The following CTNNA3 variants were observed in gnomAD, a reference collection of about 807,000 sequenced individuals.
CTNNA3 encodes catenin alpha-3.
Under a neutral mutation model 95.7 loss-of-function variants are expected in CTNNA3, and 76 were observed. That is an observed-to-expected ratio of 0.79 (90% CI 0.66 to 0.96). The LOEUF is 0.96. Ranked by LOEUF, CTNNA3 falls within the 40% of genes least tolerant of loss-of-function variation. CTNNA3 has a pLI of 0.00. For missense variants in CTNNA3, 1,191 were observed against 1,089.8 expected (o/e 1.09, Z -1.31); for synonymous variants, 431 against 374.4 (o/e 1.15, Z -1.74).
chr10:67,193,883 T>C (rs1200927024), intron 6 of CTNNA3, among the ~76,000 whole-genome samples: 1 of 151,996 alleles, frequency 6.6e-6, no homozygotes, highest in Non-Finnish European at 1.5e-5. Context: ...ATTGAGGAAT[T>C]GACACACTAC....
intron 9 of CTNNA3, among the ~76,000 whole-genome samples, chr10:66,684,997 A>G (rs1482694650): frequency 6.6e-6 from 1 of 151,598 alleles, no homozygotes; most frequent in Admixed American, 6.6e-5. Flanking sequence ...TAGATCTTCT[A>G]TCATGGCTAA....
At chr10:67,351,931 TC>T (rs1338360657) in intron 5 of CTNNA3, among the ~76,000 whole-genome samples, 4 of 151,966 alleles carry the variant, frequency 2.6e-5, no homozygotes, top group African/African-American at 9.7e-5. Context: ...GGCTTAACAT[TC>T]CATTTCCTGA....
intron 7 of CTNNA3, among the ~76,000 whole-genome samples, chr10:66,984,293 G>T (rs907999361): frequency 6.6e-6 from 1 of 152,168 alleles, no homozygotes; most frequent in African/African-American, 2.4e-5. Flanking sequence ...TGATAAACTG[G>T]CTAAAGGGAA....
At chr10:66,051,098 G>A (rs2079947700) in intron 15 of CTNNA3, among the ~76,000 whole-genome samples, 2 of 151,990 alleles carry the variant, frequency 1.3e-5, no homozygotes, top group Admixed American at 1.3e-4. Context: ...CTGGTCTTGA[G>A]CCCTTGGCCT....
At chr10:67,378,600 TA>T (rs1314372636) in intron 5 of CTNNA3, among the ~76,000 whole-genome samples, 1 of 152,008 alleles carries the variant, frequency 6.6e-6, no homozygotes, top group Non-Finnish European at 1.5e-5. Flanking sequence ...TGTTCTTTCA[TA>T]ACCTTGACAT....
rs1310538991 is a variant in CTNNA3, at chr10:65,915,838, T to C, written c.*4492A>G. On this transcript the variant is annotated 3_prime_UTR_variant, in exon 18 of 18. Transcript: ENST00000433211. Reference sequence around the variant, plus strand: ...CTTTATTTTGCTTTAATAGAATATATGTTTTTGTTCATATGAATTGGTTAA... The same window carrying C: ...CTTTATTTTGCTTTAATAGAATATACGTTTTTGTTCATATGAATTGGTTAA... 3 of 152,236 alleles carry C rather than the reference T, an allele frequency of 2.0e-5. No homozygotes were observed. The highest frequency in any genetic ancestry group is 4.4e-5 in the Non-Finnish European group (3 of 68,038). The allele number at this position is 152,236 out of a possible 1,614,324, so 9.4% of individuals were successfully genotyped here.
At chr10:66,105,580 TTGC>T (rs1350130531) in intron 13 of CTNNA3, among the ~76,000 whole-genome samples, 1 of 152,208 alleles carries the variant, frequency 6.6e-6, no homozygotes, top group East Asian at 1.9e-4. Flanking sequence ...CTAAGAACAA[TTGC>T]TGCTATCAGA....
At chr10:66,164,757 G>A (rs772266653) in intron 13 of CTNNA3, among the ~76,000 whole-genome samples, 33 of 152,110 alleles carry the variant, frequency 2.2e-4, no homozygotes, top group Non-Finnish European at 4.4e-5. Flanking sequence ...AAACATGAGA[G>A]ATTCTTACCT....
At chr10:66,716,345 A>G (rs934160572) in intron 9 of CTNNA3, among the ~76,000 whole-genome samples, 1 of 152,170 alleles carries the variant, frequency 6.6e-6, no homozygotes, top group African/African-American at 2.4e-5. Flanking sequence ...GAATTTGAAA[A>G]TAATTTATGT....
intron 9 of CTNNA3, among the ~76,000 whole-genome samples, chr10:66,721,079 C>T (rs536489933): frequency 9.9e-5 from 15 of 152,184 alleles, no homozygotes; most frequent in East Asian, 3.9e-4. Flanking sequence ...GTGAATCACA[C>T]GTACAGACAA....
At chr10:66,144,514 T>G (rs1448707314) in intron 13 of CTNNA3, among the ~76,000 whole-genome samples, 1 of 151,640 alleles carries the variant, frequency 6.6e-6, no homozygotes, top group Non-Finnish European at 1.5e-5. Flanking sequence ...TGAGACAGAG[T>G]TTCGCTCGTG....
At chr10:66,326,069 G>A (rs962318109) in intron 12 of CTNNA3, among the ~76,000 whole-genome samples, 1 of 152,078 alleles carries the variant, frequency 6.6e-6, no homozygotes, top group Non-Finnish European at 1.5e-5. Context: ...TTTGTAAAAT[G>A]AACAAGCTCA....
chr10:67,034,366 C>CAT (rs1387070236), intron 7 of CTNNA3, among the ~76,000 whole-genome samples: 1 of 152,182 alleles, frequency 6.6e-6, no homozygotes, highest in Non-Finnish European at 1.5e-5. Context: ...GATGAGGATA[C>CAT]AATGCCCAAT....
chr10:67,165,521 T>C lies in CTNNA3; in HGVS notation c.1047+14796A>G, dbSNP rs187030628. ...CATAATTTATGTCAATATGTCAATGTCCTTGTTTTGATATCTTGCTATATA... is the reference window on the plus strand; with the variant it reads ...CATAATTTATGTCAATATGTCAATGCCCTTGTTTTGATATCTTGCTATATA... On this transcript the variant is annotated intron_variant, in intron 7 of 17. Coordinates refer to ENST00000433211, the MANE Select transcript of CTNNA3 (RefSeq NM_013266.4). 1.1e-4 allele frequency among the ~76,000 whole-genome samples: 17 copies of C among 152,330 alleles called. No homozygotes were observed. In the East Asian group the frequency reaches 3.3e-3, roughly 29 times the overall value.
intron 17 of CTNNA3, among the ~76,000 whole-genome samples, chr10:65,926,790 AT>A (rs144566235): frequency 1.5e-3 from 232 of 151,616 alleles, no homozygotes; most frequent in Non-Finnish European, 2.0e-3. Context: ...CTTCATCTAC[AT>A]TTTTTTTCCC....
intron 7 of CTNNA3, among the ~76,000 whole-genome samples, chr10:66,889,714 A>C (rs1311407184): frequency 6.6e-6 from 1 of 152,142 alleles, no homozygotes; most frequent in Non-Finnish European, 1.5e-5. Context: ...GGGAGAAATC[A>C]AAAAGGGCTT....
At chr10:67,285,979 G>A (rs1034154796) in intron 5 of CTNNA3, among the ~76,000 whole-genome samples, 2 of 152,142 alleles carry the variant, frequency 1.3e-5, no homozygotes, top group Non-Finnish European at 2.9e-5. Context: ...TTTTGGAATA[G>A]CAGGTAGTAT....
chr10:66,587,621 A>C (rs1465167537), intron 10 of CTNNA3, among the ~76,000 whole-genome samples: 4 of 152,116 alleles, frequency 2.6e-5, no homozygotes, highest in African/African-American at 9.7e-5. Flanking sequence ...TATTTCAGGG[A>C]GTAGCACAGC....
At chr10:67,758,481 G>A (rs1841446165) in intron 1 of CTNNA3, among the ~76,000 whole-genome samples, 1 of 151,730 alleles carries the variant, frequency 6.6e-6, no homozygotes, top group African/African-American at 2.4e-5. Flanking sequence ...ACAGTATCTT[G>A]TAAAGAAATA....
Sources: gnomAD v4.1 joint callset for allele counts (sites outside exome capture counted in the v4.1 genomes callset) on GRCh38, gnomAD v4.1.1 for gene constraint, MANE v1.5 for transcripts, NCBI Gene and HGNC (gene_info 2026-07-23, HGNC 2026-07-21) for gene names.